The following PRKN variants were observed in gnomAD, a reference collection of about 807,000 sequenced individuals.
PRKN encodes parkin RBR E3 ubiquitin protein ligase, also known as E3 ubiquitin-protein ligase parkin.
Under a neutral mutation model 59.5 loss-of-function variants are expected in PRKN, and 56 were observed. The observed-to-expected ratio is 0.94, with a 90% CI of 0.76 to 1.18. The LOEUF (loss-of-function observed/expected upper bound fraction) is 1.18, where lower values mean the gene tolerates loss of function less well. PRKN is among the 50% of genes most tolerant of loss of function. The probability of loss-of-function intolerance (pLI) is 0.00; values close to 1 mark genes in which losing one functional copy is unlikely to be tolerated. For synonymous variants in PRKN, 250 were observed against 222.1 expected (o/e 1.13, Z -1.12); for missense variants, 657 against 596.4 (o/e 1.10, Z -1.06).
intron 4 of PRKN, among the ~76,000 whole-genome samples, chr6:162,121,064 AG>A (rs776593858): frequency 6.6e-6 from 1 of 152,176 alleles, no homozygotes; most frequent in Non-Finnish European, 1.5e-5. Flanking sequence ...GCAACTTTCA[AG>A]GATCACCAAA....
intron 1 of PRKN, among the ~76,000 whole-genome samples, chr6:162,529,130 T>C (rs1166729425): frequency 6.6e-6 from 1 of 152,174 alleles, no homozygotes; most frequent in African/African-American, 2.4e-5. Flanking sequence ...CACCTCGGTC[T>C]CCTCAAGTGT....
intron 9 of PRKN, among the ~76,000 whole-genome samples, chr6:161,531,989 G>T (rs532435143): frequency 1.9e-4 from 29 of 152,190 alleles, no homozygotes; most frequent in Non-Finnish European, 4.0e-4. Flanking sequence ...GATGCCAAAA[G>T]CATTTAATAA....
Position 161,396,961 on chromosome 6 carries a change from C to T in PRKN, c.1084-10084G>A, listed in dbSNP as rs62435892. On this transcript the variant is annotated intron_variant, in intron 9 of 11. Coordinates refer to ENST00000366898, the MANE Select transcript of PRKN (RefSeq NM_004562.3). This position sits in a 1 kb window ranked among gnomAD's most constrained non-coding sequence, Gnocchi z 5.4. ...AATCAATCAATCAGTCAAAATGATA[C>T]ATTAACCCTTTATTGTATGTTGAGC... Among the ~76,000 whole-genome samples the T allele has an allele frequency of 0.21, 31,582 of 152,156 alleles. 3,376 individuals carry two copies. The highest frequency in any genetic ancestry group is 0.26 in the South Asian group (1,270 of 4,814).
chr6:161,414,429 C>T lies in PRKN; in HGVS notation c.1084-27552G>A, dbSNP rs530554672. On this transcript the variant is annotated intron_variant, in intron 9 of 11. Coordinates refer to ENST00000366898, the MANE Select transcript of PRKN (RefSeq NM_004562.3). The surrounding 1 kb of genome is among the most constrained non-coding windows in gnomAD (Gnocchi z 5.3). ...TGAGACAGTCCTTGGCCTCCAGCCACGGCTTCCGTGCCATGTCCCAAATGC... is the reference window on the plus strand; with the variant it reads ...TGAGACAGTCCTTGGCCTCCAGCCATGGCTTCCGTGCCATGTCCCAAATGC... 3.3e-5 allele frequency among the ~76,000 whole-genome samples: 5 copies of T among 152,336 alleles called. No homozygotes were observed. The East Asian group carries it at 5.8e-4, about 18-fold the overall frequency.
chr6:161,379,048 G>T lies in PRKN; in HGVS notation c.1167+7746C>A, dbSNP rs1174720564. On this transcript the variant is annotated intron_variant, in intron 10 of 11. Transcript: ENST00000366898. This position sits in a 1 kb window ranked among gnomAD's most constrained non-coding sequence, Gnocchi z 4.9. ...AAGGGATTAGCAGGCTAGAAAGGGA[G>T]TTGCCATCCTGGAAGGGGTAACTGA... 6.6e-6 allele frequency among the ~76,000 whole-genome samples: 1 copy of T among 152,204 alleles called. No individual in the cohort carries two copies. Among genetic ancestry groups the T allele is most frequent in the Non-Finnish European group, 1.5e-5 (1 of 68,036 alleles).
chr6:162,432,200 T>G lies in PRKN; in HGVS notation c.171+11110A>C, dbSNP rs938874893. On this transcript the variant is annotated intron_variant, in intron 2 of 11. Transcript: ENST00000366898. ...AACTCACCAGCTATATACAATATTA[T>G]ATGACATAAGCAATATTAAAGATTG... Among the ~76,000 whole-genome samples, 10 of 152,282 alleles carry G rather than the reference T, an allele frequency of 6.6e-5. No homozygotes were observed. The East Asian group carries it at 1.9e-3, about 29-fold the overall frequency.
At chr6:162,696,835 C>T (rs1411339195) in intron 1 of PRKN, among the ~76,000 whole-genome samples, 1 of 151,880 alleles carries the variant, frequency 6.6e-6, no homozygotes, top group African/African-American at 2.4e-5. Flanking sequence ...TATGAGCTAC[C>T]GCACTTAGCC....
chr6:162,186,499 G>C (rs918268916), intron 4 of PRKN, among the ~76,000 whole-genome samples: 1 of 151,958 alleles, frequency 6.6e-6, no homozygotes, highest in African/African-American at 2.4e-5. Context: ...TGGAAGAAAA[G>C]GGCTTCTATG....
At chr6:162,252,074 G>T (rs974027456) in intron 3 of PRKN, among the ~76,000 whole-genome samples, 1 of 152,144 alleles carries the variant, frequency 6.6e-6, no homozygotes, top group East Asian at 1.9e-4. Flanking sequence ...TTTAAAGTAA[G>T]AAAAGTCTAG....
intron 1 of PRKN, among the ~76,000 whole-genome samples, chr6:162,499,211 T>C (rs1029675531): frequency 6.6e-6 from 1 of 152,282 alleles, no homozygotes; most frequent in East Asian, 1.9e-4. Context: ...TCCATGCCTC[T>C]GTAAATCTTG....
At chr6:162,169,097 G>A (rs113155333) in intron 4 of PRKN, among the ~76,000 whole-genome samples, 7 of 152,246 alleles carry the variant, frequency 4.6e-5, no homozygotes, top group South Asian at 2.1e-4. Flanking sequence ...TCTCCTTCCC[G>A]TAAGATGAGA....
chr6:161,928,143 C>T (rs184474123), intron 6 of PRKN, among the ~76,000 whole-genome samples: 1 of 152,246 alleles, frequency 6.6e-6, no homozygotes, highest in East Asian at 1.9e-4. Context: ...GGTCTGCAAC[C>T]CAGAAGAGAG....
intron 7 of PRKN, among the ~76,000 whole-genome samples, chr6:161,643,791 A>T (rs570891933): frequency 3.1e-4 from 47 of 152,202 alleles, no homozygotes; most frequent in African/African-American, 7.5e-4. Context: ...AACAAGTAAA[A>T]TTTTTTTTAA....
intron 6 of PRKN, among the ~76,000 whole-genome samples, chr6:161,964,764 C>T (rs1375860056): frequency 1.3e-5 from 2 of 151,954 alleles, no homozygotes; most frequent in African/African-American, 4.8e-5. Flanking sequence ...ACTTTTTGTA[C>T]GTATACCTGA....
intron 6 of PRKN, among the ~76,000 whole-genome samples, chr6:161,819,234 A>C (rs1201654960): frequency 6.6e-6 from 1 of 152,190 alleles, no homozygotes; most frequent in African/African-American, 2.4e-5. Flanking sequence ...ATGTGGGCTC[A>C]TGCCTGTAAT....
intron 6 of PRKN, among the ~76,000 whole-genome samples, chr6:161,910,331 C>T (rs915068516): frequency 6.6e-6 from 1 of 152,032 alleles, no homozygotes; most frequent in African/African-American, 2.4e-5. Flanking sequence ...CTCGACTCAC[C>T]ACAACCTCCA....
At position 161,457,231 on chromosome 6, in the gene PRKN, T is replaced by G. The variant is rs971130679; in HGVS notation, c.1084-70354A>C. Among the ~76,000 whole-genome samples the G allele has an allele frequency of 3.3e-5, 5 of 152,228 alleles. No homozygotes were observed. The highest frequency in any genetic ancestry group is 1.2e-4 in the African/African-American group (5 of 41,464). On this transcript the variant is annotated intron_variant, in intron 9 of 11. Coordinates refer to ENST00000366898, the MANE Select transcript of PRKN (RefSeq NM_004562.3). This position sits in a 1 kb window ranked among gnomAD's most constrained non-coding sequence, Gnocchi z 5.0. ...TAATAATAATGCATTCCATTACTTT[T>G]CCTACACATGTGTCTCTGTTAAGCA... is the stretch of plus-strand genomic sequence containing the variant.
intron 2 of PRKN, chr6:162,275,487 TA>T (rs1264109785): frequency 6.6e-6 from 1 of 152,078 alleles, no homozygotes; most frequent in African/African-American, 2.4e-5. Flanking sequence ...AAAGCATTAT[TA>T]AAAAATTATA....
At chr6:161,932,184 GA>G (rs565178983) in intron 6 of PRKN, among the ~76,000 whole-genome samples, 3 of 151,820 alleles carry the variant, frequency 2.0e-5, no homozygotes, top group African/African-American at 7.3e-5. Context: ...TTGGCAATGT[GA>G]AAAAAACACA....
Sources: allele counts gnomAD v4.1 joint callset (sites outside exome capture counted in the v4.1 genomes callset), GRCh38; gene constraint gnomAD v4.1.1; non-coding constraint Gnocchi (gnomAD v3.1); transcripts MANE v1.5; gene names NCBI Gene and HGNC (gene_info 2026-07-23, HGNC 2026-07-21).